Variants in PRKCB observed in about 807,000 individuals in gnomAD.
PRKCB encodes protein kinase C beta, also known as protein kinase C beta type.
A neutral mutation model predicts 81.5 loss-of-function variants in PRKCB; 13 were observed. The observed-to-expected ratio is 0.16, with a 90% CI of 0.10 to 0.25. The LOEUF is 0.25. Ranked by LOEUF, PRKCB falls within the 10% of genes least tolerant of loss-of-function variation. PRKCB has a pLI of 1.00. For missense variants in PRKCB, 509 were observed against 875.7 expected (o/e 0.58, Z 5.29); for synonymous variants, 335 against 321.4 (o/e 1.04, Z -0.45).
chr16:23,996,469 T>G (rs1244617378), intron 3 of PRKCB, among the ~76,000 whole-genome samples: 1 of 152,164 alleles, frequency 6.6e-6, no homozygotes, highest in African/African-American at 2.4e-5. Flanking sequence ...GTTCCTGATA[T>G]GGCACCATGC....
At chr16:23,889,586 G>A (rs549147073) in intron 2 of PRKCB, among the ~76,000 whole-genome samples, 135 of 152,362 alleles carry the variant, frequency 8.9e-4, no homozygotes, top group African/African-American at 2.8e-3. Flanking sequence ...AGGTGGGGCC[G>A]TATGAGTAGC....
At position 24,061,913 on chromosome 16, in the gene PRKCB, A is replaced by AT. The variant is rs988765537; in HGVS notation, c.529+26366_529+26367insT. Among the ~76,000 whole-genome samples, 57 of 143,866 alleles carry AT rather than the reference A, an allele frequency of 4.0e-4. No individual in the cohort carries two copies. The East Asian group carries it at 7.7e-3, about 20-fold the overall frequency. The allele number at this position is 143,866 out of a possible 152,430, so 94.4% of individuals were successfully genotyped here. ...CTCCCCCTGCACCTTAAATAAATAA[A>AT]AAAAAAAAAAAAAAAAAAAACTTGA... is the stretch of plus-strand genomic sequence containing the variant. On this transcript the variant is annotated intron_variant, in intron 5 of 16. Transcript: ENST00000643927.
chr16:24,161,359 A>G (rs1967254446), intron 10 of PRKCB, among the ~76,000 whole-genome samples: 1 of 152,218 alleles, frequency 6.6e-6, no homozygotes, highest in Non-Finnish European at 1.5e-5. Context: ...TATTATTTTA[A>G]GTGTGTTAAA....
intron 8 of PRKCB, among the ~76,000 whole-genome samples, chr16:24,114,701 G>C (rs967917488): frequency 3.9e-5 from 6 of 152,118 alleles, no homozygotes; most frequent in Non-Finnish European, 7.4e-5. Flanking sequence ...ACATTATTTT[G>C]TTCCCACAAA....
intron 5 of PRKCB, among the ~76,000 whole-genome samples, chr16:24,041,594 A>T (rs1965698914): frequency 6.6e-6 from 1 of 152,054 alleles, no homozygotes; most frequent in Admixed American, 6.6e-5. Context: ...TGTGTTATAC[A>T]GAAACTTTTT....
At chr16:23,888,772 G>A (rs1032272227) in intron 2 of PRKCB, among the ~76,000 whole-genome samples, 27 of 152,114 alleles carry the variant, frequency 1.8e-4, no homozygotes, top group African/African-American at 5.3e-4. Flanking sequence ...TGGGGCTACT[G>A]TGCAGGGACT....
Position 24,094,159 on chromosome 16 carries a change from G to A in PRKCB, c.687-4G>A. 6.2e-7 allele frequency: 1 copy of A among 1,613,048 alleles called. No individual in the cohort carries two copies. The highest frequency in any genetic ancestry group is 8.5e-7 in the Non-Finnish European group (1 of 1,179,568). The stretch of plus-strand genomic sequence containing the variant: ...ACTGATGTCTTTTCTTTTTCTCTAT[G>A]CAGTCAGCTGAAAGAATCGGACAAA... On this transcript the variant is annotated splice_polypyrimidine_tract_variant and splice_region_variant and intron_variant, in intron 6 of 16. Transcript: ENST00000643927.
At chr16:23,949,118 C>T (rs1596483909) in intron 2 of PRKCB, among the ~76,000 whole-genome samples, 1 of 152,188 alleles carries the variant, frequency 6.6e-6, no homozygotes, top group East Asian at 1.9e-4. Context: ...CAGGTGAACA[C>T]TAGAATGTTT....
chr16:24,021,323 C>CTTCA (rs1965395041), intron 3 of PRKCB, among the ~76,000 whole-genome samples: 1 of 53,308 alleles, frequency 1.9e-5, no homozygotes, highest in Non-Finnish European at 3.5e-5. Flanking sequence ...TCCTTCCTTC[C>CTTCA]TTCCTTCCTT....
intron 5 of PRKCB, among the ~76,000 whole-genome samples, chr16:24,089,299 G>A (rs1273208232): frequency 6.6e-6 from 1 of 152,084 alleles, no homozygotes; most frequent in Admixed American, 6.5e-5. Context: ...TGTGGGGGTG[G>A]GTGCCAGATA....
intron 2 of PRKCB, among the ~76,000 whole-genome samples, chr16:23,873,121 A>G (rs1962933967): frequency 6.7e-6 from 1 of 149,804 alleles, no homozygotes; most frequent in South Asian, 2.1e-4. Flanking sequence ...TGAGGTCAGG[A>G]GTCCAAGACC....
intron 2 of PRKCB, among the ~76,000 whole-genome samples, chr16:23,861,195 G>A (rs1041293247): frequency 2.6e-5 from 4 of 151,142 alleles, no homozygotes; most frequent in Admixed American, 6.6e-5. Context: ...TTGAGACAAG[G>A]TCTTGCTCTG....
intron 5 of PRKCB, among the ~76,000 whole-genome samples, chr16:24,078,700 T>C (rs950971897): frequency 6.6e-6 from 1 of 152,184 alleles, no homozygotes; most frequent in Admixed American, 6.5e-5. Context: ...ATTAAGAGAC[T>C]GGGCTTGTGA....
intron 12 of PRKCB, among the ~76,000 whole-genome samples, chr16:24,177,704 C>T (rs1266523556): frequency 6.6e-6 from 1 of 152,148 alleles, no homozygotes; most frequent in South Asian, 2.1e-4. Flanking sequence ...CAGAGTCCAG[C>T]ATTAGGGCTT....
At chr16:23,863,186 A>ATATACACATG (rs1491353488) in intron 2 of PRKCB, among the ~76,000 whole-genome samples, 1 of 66,792 alleles carries the variant, frequency 1.5e-5, no homozygotes, top group Non-Finnish European at 2.9e-5. Flanking sequence ...ATATGTGTAT[A>ATATACACATG]CATACATACG....
intron 5 of PRKCB, among the ~76,000 whole-genome samples, chr16:24,036,429 A>G (rs917296223): frequency 6.6e-6 from 1 of 152,170 alleles, no homozygotes; most frequent in East Asian, 1.9e-4. Context: ...GTGACAAACT[A>G]CTGTGGACTT....
intron 2 of PRKCB, among the ~76,000 whole-genome samples, chr16:23,954,261 G>A (rs1278270513): frequency 3.9e-5 from 6 of 152,026 alleles, no homozygotes; most frequent in South Asian, 2.1e-4. Flanking sequence ...GGAAGGCATC[G>A]ATCTTAGACT....
chr16:23,986,830 A>T (rs913911539), intron 2 of PRKCB, among the ~76,000 whole-genome samples: 2 of 152,130 alleles, frequency 1.3e-5, no homozygotes, highest in Non-Finnish European at 2.9e-5. Context: ...CCAGTTCAAT[A>T]ATGACCCATC....
At chr16:23,847,250 T>C (rs1397476848) in intron 2 of PRKCB, among the ~76,000 whole-genome samples, 1 of 152,142 alleles carries the variant, frequency 6.6e-6, no homozygotes, top group Non-Finnish European at 1.5e-5. Flanking sequence ...AAAACAGACC[T>C]GATTTTAAAT....
Sources: gnomAD v4.1 joint callset for allele counts (sites outside exome capture counted in the v4.1 genomes callset) on GRCh38, gnomAD v4.1.1 for gene constraint, MANE v1.5 for transcripts, NCBI Gene and HGNC (gene_info 2026-07-23, HGNC 2026-07-21) for gene names.